RBPJ: variants seen among roughly 807,000 people sequenced by gnomAD.
RBPJ encodes the protein recombining binding protein suppressor of hairless.
Under a neutral mutation model 67.8 loss-of-function variants are expected in RBPJ, and 9 were observed. The observed-to-expected ratio is 0.13, with a 90% CI of 0.08 to 0.23. The LOEUF (loss-of-function observed/expected upper bound fraction) is 0.23, where lower values mean the gene tolerates loss of function less well. Among genes scored for constraint, RBPJ ranks in the 10% least tolerant of loss-of-function variants. The pLI is 1.00. For synonymous variants in RBPJ, 198 were observed against 203.3 expected (o/e 0.97, Z 0.22); for missense variants, 305 against 595.6 (o/e 0.51, Z 5.08).
intron 1 of RBPJ, among the ~76,000 whole-genome samples, chr4:26,283,418 G>A (rs1390240383): frequency 6.6e-6 from 1 of 150,966 alleles, no homozygotes; most frequent in Non-Finnish European, 1.5e-5. Flanking sequence ...GGTGGCAAGT[G>A]CCTGTAATCC....
chr4:26,265,318 C>T (rs1250087208), intron 1 of RBPJ, among the ~76,000 whole-genome samples: 1 of 151,854 alleles, frequency 6.6e-6, no homozygotes, highest in East Asian at 2.0e-4. Flanking sequence ...CATTTGAGGT[C>T]AGGAGATCGA....
intron 2 of RBPJ, among the ~76,000 whole-genome samples, chr4:26,404,983 A>G (rs562852849): frequency 1.2e-4 from 19 of 152,260 alleles, no homozygotes; most frequent in African/African-American, 4.3e-4. Context: ...TTTAATTACA[A>G]TTTGGACTTT....
chr4:26,294,190 C>T (rs188412246), intron 1 of RBPJ, among the ~76,000 whole-genome samples: 124 of 152,118 alleles, frequency 8.2e-4, no homozygotes, highest in African/African-American at 2.9e-3. Flanking sequence ...CTCTGTCACC[C>T]GGGTTCAAGC....
At chr4:26,215,364 A>AAGGAAGAAGGGAAGGAGGGAGAG (rs1718674953) in intron 1 of RBPJ, among the ~76,000 whole-genome samples, 2 of 99,158 alleles carry the variant, frequency 2.0e-5, no homozygotes, top group Non-Finnish European at 3.8e-5. Context: ...AGAAGGAAGG[A>AAGGAAGAAGGGAAGGAGGGAGAG]AGGAAGGAAG....
chr4:26,120,984 G>A, the RBPJ span, among the ~76,000 whole-genome samples: 11 of 151,690 alleles, frequency 7.3e-5, no homozygotes, highest in Non-Finnish European at 1.5e-4. Context: ...AGAGGCAGAG[G>A]GAGAGGAAGA....
upstream of RBPJ, chr4:26,320,830 A>T (rs758309847): frequency 6.4e-7 from 1 of 1,561,918 alleles, no homozygotes; most frequent in Non-Finnish European, 8.7e-7. Flanking sequence ...GTTTCCAGGG[A>T]AGGCAGCGAG....
chr4:26,109,784 C>A, the RBPJ span, among the ~76,000 whole-genome samples: 3 of 146,612 alleles, frequency 2.0e-5, no homozygotes, highest in African/African-American at 7.6e-5. Flanking sequence ...TTAAAAAAAA[C>A]GATTAAAGTT....
chr4:26,150,676 GCAAA>G, the RBPJ span, among the ~76,000 whole-genome samples: 177 of 152,306 alleles, frequency 1.2e-3, 3 homozygotes, highest in African/African-American at 3.9e-3. Context: ...CTAGTACAGG[GCAAA>G]CACTTACATG....
At chr4:26,257,863 C>A (rs1055345844) in intron 1 of RBPJ, among the ~76,000 whole-genome samples, 1 of 152,172 alleles carries the variant, frequency 6.6e-6, no homozygotes, top group African/African-American at 2.4e-5. Context: ...CCATCTGTAA[C>A]CCAAATAACC....
At chr4:26,285,310 T>C (rs1162064660) in intron 1 of RBPJ, among the ~76,000 whole-genome samples, 1 of 143,556 alleles carries the variant, frequency 7.0e-6, no homozygotes, top group Non-Finnish European at 1.5e-5. Context: ...CCCAGTGTTA[T>C]GGAACTAGTA....
chr4:26,215,402 G>GAAGGAAGGGAGGGA (rs779927576), intron 1 of RBPJ, among the ~76,000 whole-genome samples: 1 of 108,556 alleles, frequency 9.2e-6, no homozygotes, highest in South Asian at 3.5e-4. Flanking sequence ...AGGAAGGAAG[G>GAAGGAAGGGAGGGA]GGGGGGAAGG....
chr4:26,400,959 C>G (rs184504533), intron 2 of RBPJ, among the ~76,000 whole-genome samples: 2 of 152,340 alleles, frequency 1.3e-5, no homozygotes, highest in Admixed American at 1.3e-4. Flanking sequence ...AAAATTTGTG[C>G]TTTGCACATT....
chr4:26,409,110 G>T (rs1480551829), intron 3 of RBPJ, among the ~76,000 whole-genome samples: 1 of 152,184 alleles, frequency 6.6e-6, no homozygotes, highest in Non-Finnish European at 1.5e-5. Context: ...TGGCTATTGT[G>T]TGCTAGGTTT....
At chr4:26,184,532 T>C (rs539819119) in intron 1 of RBPJ, among the ~76,000 whole-genome samples, 3 of 152,136 alleles carry the variant, frequency 2.0e-5, no homozygotes, top group Non-Finnish European at 4.4e-5. Context: ...TAAACTGACT[T>C]AGTAGGATTC....
intron 2 of RBPJ, among the ~76,000 whole-genome samples, chr4:26,401,501 A>G (rs184637551): frequency 6.6e-6 from 1 of 152,324 alleles, no homozygotes; most frequent in East Asian, 1.9e-4. Flanking sequence ...TAGCTCGTTT[A>G]ATGATTATAA....
rs201627979 is a variant in RBPJ at position 26,382,022 on chromosome 4, T to TA, written c.21-4330dup. Reference sequence around the variant, plus strand: ...CATTTCATGGAGTTAAAAGGGCCCCTAGACACATAAGGATTGATTTTTTTT... The same window carrying TA: ...CATTTCATGGAGTTAAAAGGGCCCCTAAGACACATAAGGATTGATTTTTTTT... On this transcript the variant is annotated intron_variant, in intron 1 of 10. Transcript: ENST00000355476. Among the ~76,000 whole-genome samples, 477 of 152,278 alleles carry TA rather than the reference T, an allele frequency of 3.1e-3. 3 individuals are homozygous for TA. Among genetic ancestry groups the TA allele is most frequent in the African/African-American group, 0.011 (438 of 41,566 alleles).
chr4:26,331,713 C>T (rs772694189), intron 1 of RBPJ, among the ~76,000 whole-genome samples: 1 of 152,236 alleles, frequency 6.6e-6, no homozygotes, highest in Non-Finnish European at 1.5e-5. Flanking sequence ...TCCTTATCCA[C>T]TCTGCTTCAG....
At chr4:26,293,041 A>T (rs1721724484) in intron 1 of RBPJ, among the ~76,000 whole-genome samples, 1 of 150,672 alleles carries the variant, frequency 6.6e-6, no homozygotes, top group South Asian at 2.1e-4. Flanking sequence ...GGACACTTGG[A>T]TATAGCTGGA....
chr4:26,336,771 C>T (rs73113388), intron 1 of RBPJ, among the ~76,000 whole-genome samples: 2,501 of 151,586 alleles, frequency 0.016, 74 homozygotes, highest in African/African-American at 0.057. Context: ...GTTTTTTTCT[C>T]CTGATAACAA....
Sources: allele counts gnomAD v4.1 joint callset (sites outside exome capture counted in the v4.1 genomes callset), GRCh38; gene constraint gnomAD v4.1.1; transcripts MANE v1.5; gene names NCBI Gene and HGNC (gene_info 2026-07-23, HGNC 2026-07-21).